ZNF138: variants seen among roughly 807,000 people sequenced by gnomAD.
ZNF138 encodes the protein zinc finger protein 138 (clone pHZ-32).
In ZNF138, 33 loss-of-function variants were observed where a neutral mutation model predicts 33.0. The ratio of observed to expected loss-of-function variants is 1.00; its 90% CI spans 0.76 to 1.34. The LOEUF is 1.34. ZNF138 is among the 40% of genes most tolerant of loss of function. ZNF138 has a pLI of 0.00. For missense variants in ZNF138, 360 were observed against 370.8 expected (o/e 0.97, Z 0.24); for synonymous variants, 139 against 120.4 (o/e 1.15, Z -1.01).
At chr7:64,842,845 G>A in the ZNF138 span, among the ~76,000 whole-genome samples, 2 of 152,180 alleles carry the variant, frequency 1.3e-5, no homozygotes, top group African/African-American at 4.8e-5. Flanking sequence ...AAGAGCATGT[G>A]ACATTGTCAG....
chr7:64,801,659 G>A (rs978564283), intron 1 of ZNF138, among the ~76,000 whole-genome samples: 6 of 152,244 alleles, frequency 3.9e-5, no homozygotes, highest in African/African-American at 1.2e-4. Context: ...GGAGAGTTCT[G>A]TAGATTTCTA....
chr7:64,825,399 C>T (rs1789511206), intron 3 of ZNF138, among the ~76,000 whole-genome samples: 1 of 151,352 alleles, frequency 6.6e-6, no homozygotes, highest in Non-Finnish European at 1.5e-5. Context: ...GTCTGGATTT[C>T]TGACCTCGTG....
chr7:64,831,869 C>CT lies in ZNF138; in HGVS notation c.627_628insT (p.Leu210SerfsTer3). 6.2e-7 allele frequency: 1 copy of CT among 1,613,810 alleles called. No individual in the cohort carries two copies. Among genetic ancestry groups the CT allele is most frequent in the Non-Finnish European group, 8.5e-7 (1 of 1,179,896 alleles). On this transcript the variant is annotated frameshift_variant, in exon 4 of 4. Coordinates refer to ENST00000307355, the MANE Select transcript of ZNF138 (RefSeq NM_001271639.2). LOFTEE classifies it high-confidence loss of function. ...GAAAAACCTTTAACTGGTCCACAAA[C>CT]CTTTCTAAACCTAAGAAAATTCATA...
chr7:64,802,072 T>G (rs1432059655), intron 1 of ZNF138, among the ~76,000 whole-genome samples: 1 of 152,128 alleles, frequency 6.6e-6, no homozygotes, highest in East Asian at 1.9e-4. Context: ...TTTTATATAT[T>G]TTAGGGAGAC....
At chr7:64,814,164 T>C in intron 1 of ZNF138, 1 of 1,128,294 alleles carries the variant, frequency 8.9e-7, no homozygotes, top group Non-Finnish European at 1.1e-6. Flanking sequence ...TTGTTAGAAA[T>C]TTAGAATATC....
chr7:64,807,536 C>T (rs1787710467), intron 1 of ZNF138, among the ~76,000 whole-genome samples: 1 of 152,144 alleles, frequency 6.6e-6, no homozygotes, highest in African/African-American at 2.4e-5. Context: ...GGGGATCTCT[C>T]CTTTGGTTGT....
chr7:64,851,188 A>G, the ZNF138 span, among the ~76,000 whole-genome samples: 1 of 152,048 alleles, frequency 6.6e-6, no homozygotes, highest in Non-Finnish European at 1.5e-5. Flanking sequence ...AGAACTCAAA[A>G]CCTATTTATC....
intron 1 of ZNF138, among the ~76,000 whole-genome samples, chr7:64,810,577 A>G (rs1251773283): frequency 1.1e-4 from 2 of 17,732 alleles, no homozygotes; most frequent in South Asian, 1.9e-3. Context: ...TTATTAGTAT[A>G]TGTTATAAAA....
intron 1 of ZNF138, among the ~76,000 whole-genome samples, chr7:64,804,010 C>G (rs1787370079): frequency 6.6e-6 from 1 of 152,166 alleles, no homozygotes; most frequent in African/African-American, 2.4e-5. Flanking sequence ...ATGATGCAAG[C>G]TCAAATATAT....
At chr7:64,860,756 A>G in the ZNF138 span, among the ~76,000 whole-genome samples, 9 of 152,220 alleles carry the variant, frequency 5.9e-5, no homozygotes, top group Admixed American at 2.0e-4. Flanking sequence ...AACAATGAAA[A>G]TTATTGACTA....
At chr7:64,827,369 C>T (rs570613524) in intron 3 of ZNF138, among the ~76,000 whole-genome samples, 79 of 152,076 alleles carry the variant, frequency 5.2e-4, no homozygotes, top group Non-Finnish European at 9.6e-4. Flanking sequence ...CTCAGCCTCC[C>T]GAGTAGCTGG....
chr7:64,840,739 G>A, the ZNF138 span, among the ~76,000 whole-genome samples: 1 of 151,666 alleles, frequency 6.6e-6, no homozygotes, highest in Non-Finnish European at 1.5e-5. Context: ...AATTTGTTAT[G>A]TATTTTTCTT....
At chr7:64,827,578 C>T (rs1379421370) in intron 3 of ZNF138, among the ~76,000 whole-genome samples, 1 of 152,054 alleles carries the variant, frequency 6.6e-6, no homozygotes, top group Non-Finnish European at 1.5e-5. Flanking sequence ...CACCTTTTAT[C>T]TTGGAGAGTC....
downstream of ZNF138, among the ~76,000 whole-genome samples, chr7:64,838,295 G>A (rs1452899249): frequency 6.6e-6 from 1 of 152,216 alleles, no homozygotes; most frequent in Non-Finnish European, 1.5e-5. Context: ...GGCAGTTAGG[G>A]CACGGGCGTG....
At chr7:64,847,338 T>A in the ZNF138 span, among the ~76,000 whole-genome samples, 1,767 of 89,082 alleles carry the variant, frequency 0.02, 15 homozygotes, top group African/African-American at 0.039. Flanking sequence ...ATATATTTTT[T>A]TTTTTTTTTT....
chr7:64,828,782 C>G (rs1789848634), intron 3 of ZNF138, among the ~76,000 whole-genome samples: 1 of 5,698 alleles, frequency 1.8e-4, no homozygotes, highest in Non-Finnish European at 1.3e-3. Context: ...CGACATTGTT[C>G]CTTTTTTTTT....
At chr7:64,849,005 G>C in the ZNF138 span, among the ~76,000 whole-genome samples, 4 of 152,084 alleles carry the variant, frequency 2.6e-5, no homozygotes, top group Non-Finnish European at 5.9e-5. Context: ...CACCTGGCTG[G>C]GGGGAATGTT....
chr7:64,830,672 A>G (rs1254407768), intron 3 of ZNF138, among the ~76,000 whole-genome samples: 1 of 152,036 alleles, frequency 6.6e-6, no homozygotes, highest in African/African-American at 2.4e-5. Context: ...ATAATAATTG[A>G]TAGGGCTATG....
intron 1 of ZNF138, among the ~76,000 whole-genome samples, chr7:64,812,850 CT>C (rs34197599): frequency 0.89 from 126,978 of 142,048 alleles, 57,097 homozygotes; most frequent in South Asian, 0.97. Context: ...AAAAAATTGC[CT>C]TTTTTTTTTT....
Sources: gnomAD v4.1 joint callset for allele counts (sites outside exome capture counted in the v4.1 genomes callset) on GRCh38, gnomAD v4.1.1 for gene constraint, MANE v1.5 for transcripts, NCBI Gene and HGNC (gene_info 2026-07-23, HGNC 2026-07-21) for gene names.